The following SYT1 variants were observed in gnomAD, a reference collection of about 807,000 sequenced individuals.
SYT1 encodes synaptotagmin 1.
A neutral mutation model predicts 44.8 loss-of-function variants in SYT1; 8 were observed. That is an observed-to-expected ratio of 0.18 (90% confidence interval 0.10 to 0.32). The LOEUF is 0.32. Ranked by LOEUF, SYT1 falls within the 10% of genes least tolerant of loss-of-function variation. The pLI is 1.00. For synonymous variants in SYT1, 154 were observed against 188.8 expected (o/e 0.82, Z 1.51); for missense variants, 286 against 509.3 (o/e 0.56, Z 4.22).
intron 1 of SYT1, among the ~76,000 whole-genome samples, chr12:78,918,192 C>A (rs559294613): frequency 7.2e-4 from 110 of 152,104 alleles, no homozygotes; most frequent in Non-Finnish European, 1.1e-3. Context: ...AAGTAGATAA[C>A]TTTTCTATTA....
At chr12:79,416,516 A>G (rs542129825) in intron 9 of SYT1, among the ~76,000 whole-genome samples, 2 of 152,248 alleles carry the variant, frequency 1.3e-5, no homozygotes, top group Non-Finnish European at 2.9e-5. Context: ...GATGATCACT[A>G]TTTTTTCAAA....
chr12:78,941,149 T>C (rs1878346006), intron 1 of SYT1, among the ~76,000 whole-genome samples: 1 of 143,144 alleles, frequency 7.0e-6, no homozygotes. Context: ...CTCCTCTCAC[T>C]GCAAGCTCTG....
intron 8 of SYT1, among the ~76,000 whole-genome samples, chr12:79,340,566 G>A (rs971018070): frequency 6.6e-6 from 1 of 152,084 alleles, no homozygotes; most frequent in South Asian, 2.1e-4. Flanking sequence ...GGAGATTTTG[G>A]GCTGAGACAA....
intron 3 of SYT1, among the ~76,000 whole-genome samples, chr12:79,145,634 G>A (rs1050949758): frequency 6.6e-6 from 1 of 152,080 alleles, no homozygotes; most frequent in Admixed American, 6.5e-5. Context: ...TTGCAAATGT[G>A]TAAATTGTGG....
At chr12:79,276,487 C>T (rs573348184) in intron 4 of SYT1, among the ~76,000 whole-genome samples, 12 of 151,866 alleles carry the variant, frequency 7.9e-5, no homozygotes, top group Non-Finnish European at 1.8e-4. Context: ...ACCATCCTGG[C>T]CAACATGGTG....
intron 3 of SYT1, among the ~76,000 whole-genome samples, chr12:79,140,012 A>T (rs1869456641): frequency 6.6e-6 from 1 of 152,220 alleles, no homozygotes; most frequent in African/African-American, 2.4e-5. Flanking sequence ...TTAATGGAAC[A>T]GGGGCTCTCC....
At chr12:79,410,454 A>G (rs1383009451) in intron 9 of SYT1, among the ~76,000 whole-genome samples, 2 of 139,620 alleles carry the variant, frequency 1.4e-5, no homozygotes, top group Non-Finnish European at 3.0e-5. Flanking sequence ...TCTCTTTTCC[A>G]CTTATCACTA....
chr12:79,283,381 C>G (rs537327127), intron 4 of SYT1, among the ~76,000 whole-genome samples: 1 of 152,130 alleles, frequency 6.6e-6, no homozygotes, highest in Non-Finnish European at 1.5e-5. Context: ...TTTCAAATTT[C>G]TTCCTGTAAT....
intron 9 of SYT1, among the ~76,000 whole-genome samples, chr12:79,372,616 C>T (rs1294366421): frequency 1.3e-5 from 2 of 151,946 alleles, no homozygotes; most frequent in South Asian, 2.1e-4. Flanking sequence ...GACCAAACTC[C>T]GGAAGGCTGA....
At chr12:79,288,368 G>T (rs962025447) in intron 5 of SYT1, among the ~76,000 whole-genome samples, 1 of 151,966 alleles carries the variant, frequency 6.6e-6, no homozygotes, top group African/African-American at 2.4e-5. Context: ...TGCCCTTCTC[G>T]TTTAAAAACA....
intron 1 of SYT1, among the ~76,000 whole-genome samples, chr12:78,883,687 G>A (rs1874585482): frequency 6.6e-6 from 1 of 151,670 alleles, no homozygotes; most frequent in Non-Finnish European, 1.5e-5. Flanking sequence ...TTGAGCCAAT[G>A]TTACCTATCT....
intron 2 of SYT1, among the ~76,000 whole-genome samples, chr12:79,018,464 C>T (rs1871962919): frequency 1.3e-5 from 2 of 152,092 alleles, no homozygotes; most frequent in South Asian, 4.2e-4. Context: ...GCACGTTGTG[C>T]ACATGTACCC....
chr12:79,102,834 C>G (rs943621710), intron 3 of SYT1, among the ~76,000 whole-genome samples: 1 of 152,134 alleles, frequency 6.6e-6, no homozygotes, highest in Admixed American at 6.6e-5. Context: ...CATTTGTTCT[C>G]TGAGATAATA....
chr12:79,064,193 A>G (rs1233830446), intron 3 of SYT1, among the ~76,000 whole-genome samples: 2 of 152,190 alleles, frequency 1.3e-5, no homozygotes, highest in Non-Finnish European at 2.9e-5. Context: ...GGAGTGAAGA[A>G]GACAGGGAAT....
intron 9 of SYT1, among the ~76,000 whole-genome samples, chr12:79,365,220 T>TTTAAACACA (rs1206997781): frequency 1.3e-5 from 2 of 152,114 alleles, no homozygotes; most frequent in Non-Finnish European, 2.9e-5. Context: ...AAAATGGGAT[T>TTTAAACACA]TTAAACACAT....
intron 8 of SYT1, among the ~76,000 whole-genome samples, chr12:79,303,335 G>A (rs1371623793): frequency 6.6e-6 from 1 of 151,502 alleles, no homozygotes; most frequent in East Asian, 1.9e-4. Context: ...TTATCTCCAT[G>A]CCTTCTACTG....
chr12:79,402,575 A>G (rs1362273325), intron 9 of SYT1, among the ~76,000 whole-genome samples: 1 of 152,142 alleles, frequency 6.6e-6, no homozygotes, highest in East Asian at 1.9e-4. Context: ...CCTACATTCA[A>G]TCACATCGAT....
intron 2 of SYT1, among the ~76,000 whole-genome samples, chr12:79,040,663 A>G (rs908664428): frequency 6.6e-6 from 1 of 152,054 alleles, no homozygotes; most frequent in African/African-American, 2.4e-5. Flanking sequence ...TTTTGTTGCC[A>G]TTGCTTTTGG....
At chr12:79,346,174 A>C (rs942129616) in intron 8 of SYT1, among the ~76,000 whole-genome samples, 4 of 152,238 alleles carry the variant, frequency 2.6e-5, no homozygotes, top group Non-Finnish European at 5.9e-5. Context: ...AGAGCCATTA[A>C]ATAAATATTC....
Sources: allele counts gnomAD v4.1 joint callset (sites outside exome capture counted in the v4.1 genomes callset), GRCh38; gene constraint gnomAD v4.1.1; transcripts MANE v1.5; gene names NCBI Gene and HGNC (gene_info 2026-07-23, HGNC 2026-07-21).